The following C14orf93 variants were observed in gnomAD, a reference collection of about 807,000 sequenced individuals.
C14orf93 encodes uncharacterized protein C14orf93.
Under a neutral mutation model 44.0 loss-of-function variants are expected in C14orf93, and 23 were observed. The observed-to-expected ratio is 0.52, with a 90% CI of 0.38 to 0.74. C14orf93 has a LOEUF of 0.74. Ranked by LOEUF, C14orf93 falls within the 30% of genes least tolerant of loss-of-function variation. C14orf93 has a pLI of 0.00. For missense variants in C14orf93, 579 were observed against 678.9 expected, an observed-to-expected ratio of 0.85 and a Z score of 1.64; for synonymous variants, 253 against 265.7, an observed-to-expected ratio of 0.95 and a Z score of 0.46.
At position 22,987,300 on chromosome 14, in the gene C14orf93, C is replaced by T; in HGVS notation, c.1532G>A (p.Gly511Asp). The T allele has an allele frequency of 3.1e-6, 5 of 1,614,166 alleles. No individual in the cohort carries two copies. The highest frequency in any genetic ancestry group is 2.2e-5 in the South Asian group (2 of 91,084). The change falls in exon 7 of 7, where the codon GGC (glycine) becomes GAC (aspartate). Residue 511 changes from glycine to aspartate, a missense_variant. By Grantham distance (94) the Gly-to-Asp change is moderately conservative. Transcript: ENST00000299088. The surrounding 1 kb of genome is among the most constrained non-coding windows in gnomAD (Gnocchi z 5.6). ...EDEGGDENAP[G>D]SPSFDQPHKT... is the part of the protein sequence containing the mutation. ...GTGGGGTTGGTCAAAAGATGGGGAG[C>T]CAGGTGCATTCTCATCCCCTCCCTC...
intron 3 of C14orf93, among the ~76,000 whole-genome samples, chr14:22,990,547 G>A (rs552861351): frequency 1.4e-4 from 21 of 150,964 alleles, no homozygotes; most frequent in Non-Finnish European, 2.5e-4. Context: ...TCGGCTCACT[G>A]CAACCTCTGC....
In C14orf93 at chr14:22,998,605, G is replaced by A. The variant is rs2046131860; in HGVS notation, c.419C>T (p.Ala140Val). The change falls in exon 2 of 7, where the codon GCC becomes GTC. Residue 140 changes from alanine to valine, a missense_variant. Coordinates refer to ENST00000299088, the MANE Select transcript of C14orf93 (RefSeq NM_021944.4). Reference protein sequence around the residue: ...SPGEAFKALSAVEEECDSVGS... With the variant: ...SPGEAFKALSVVEEECDSVGS... ...CACGCTGTCACACTCCTCTTCCACG[G>A]CAGACAGAGCCTTAAAGGCTTCCCC... 6.2e-7 allele frequency: 1 copy of A among 1,614,006 alleles called. No individual in the cohort carries two copies. Among genetic ancestry groups the A allele is most frequent in the Non-Finnish European group, 8.5e-7 (1 of 1,180,016 alleles).
chr14:22,990,475 T>A (rs1332611655), intron 3 of C14orf93, among the ~76,000 whole-genome samples: 2 of 103,828 alleles, frequency 1.9e-5, no homozygotes, highest in African/African-American at 3.1e-5. Flanking sequence ...CTTTTCTTTC[T>A]TTTTTTTTTT....
Position 22,987,467 on chromosome 14 carries a change from G to A in C14orf93, c.1365C>T (p.Leu455=), listed in dbSNP as rs1322715605. 3 of 1,614,284 alleles carry A rather than the reference G, an allele frequency of 1.9e-6. No homozygotes were observed. Among genetic ancestry groups the A allele is most frequent in the South Asian group, 1.1e-5 (1 of 91,092 alleles). ...PRFRAQRLTE[L]CYHLDANSKH... is the part of the protein sequence containing the mutation. ...TAGAGTTAGCATCCAGGTGGTAGCA[G>A]AGCTCTGTGAGGCGCTGGGCCCGGA... Residue 455 remains leucine (L), a synonymous_variant, in exon 7 of 7, where the codon CTC becomes CTT. Transcript: ENST00000299088. This position sits in a 1 kb window ranked among gnomAD's most constrained non-coding sequence, Gnocchi z 5.6.
At chr14:23,007,481 G>A (rs1054347571) in intron 1 of C14orf93, among the ~76,000 whole-genome samples, 1 of 152,138 alleles carries the variant, frequency 6.6e-6, no homozygotes, top group Non-Finnish European at 1.5e-5. Context: ...TGCTGGCCTC[G>A]GTTACATTTC....
chr14:23,001,389 A>C (rs1463094193), intron 1 of C14orf93, among the ~76,000 whole-genome samples: 1 of 152,210 alleles, frequency 6.6e-6, no homozygotes, highest in Non-Finnish European at 1.5e-5. Context: ...TGCCTCACGC[A>C]CTTACTCTTT....
In C14orf93 at chr14:22,996,094, C is replaced by T. The variant is rs775194846; in HGVS notation, c.772G>A (p.Ala258Thr). 5.0e-6 allele frequency: 8 copies of T among 1,613,906 alleles called. No individual in the cohort carries two copies. The highest frequency in any genetic ancestry group is 1.3e-5 in the African/African-American group (1 of 74,862). Reference sequence around the variant, plus strand: ...TCCAAGGCACTGTCCAGCGCAGCAGCGGCATTGAGCATGTCCTCAGGGCGG... The same window carrying T: ...TCCAAGGCACTGTCCAGCGCAGCAGTGGCATTGAGCATGTCCTCAGGGCGG... ...PPRPEDMLNA[A>T]AALDSALEES... The change falls in exon 3 of 7, where the codon GCT becomes ACT. Residue 258 changes from alanine (A) to threonine (T), a missense_variant. By Grantham distance (58) the Ala-to-Thr change is moderately conservative. Coordinates refer to ENST00000299088, the MANE Select transcript of C14orf93 (RefSeq NM_021944.4). This position sits in a 1 kb window ranked among gnomAD's most constrained non-coding sequence, Gnocchi z 4.1.
At chr14:23,008,835 A>G (rs866381404) in intron 1 of C14orf93, among the ~76,000 whole-genome samples, 8 of 152,238 alleles carry the variant, frequency 5.3e-5, no homozygotes, top group Non-Finnish European at 8.8e-5. Flanking sequence ...TATCCCTTCT[A>G]TTATTTGCCT....
In C14orf93 at chr14:22,987,794, C is replaced by G. The variant is rs2045320400; in HGVS notation, c.1197+109G>C. The G allele has an allele frequency of 1.6e-6, 2 of 1,225,836 alleles. No individual in the cohort carries two copies. Among genetic ancestry groups the G allele is most frequent in the Non-Finnish European group, 2.3e-6 (2 of 866,620 alleles). The allele number at this position is 1,225,836 out of a possible 1,614,324, so 75.9% of individuals were successfully genotyped here. On this transcript the variant is annotated intron_variant, in intron 6 of 6. Coordinates refer to ENST00000299088, the MANE Select transcript of C14orf93 (RefSeq NM_021944.4). The surrounding 1 kb of genome is among the most constrained non-coding windows in gnomAD (Gnocchi z 5.6). ...TGGCTCACTGTTCTTCTCTATCTTC[C>G]TACATTCCTGGCTCTCAACCCTATT...
intron 3 of C14orf93, among the ~76,000 whole-genome samples, chr14:22,991,883 TGCTAGTAAAACTGATGACCCAGGCAAAA>T (rs1353158250): frequency 4.6e-5 from 7 of 152,216 alleles, no homozygotes; most frequent in Non-Finnish European, 8.8e-5. Flanking sequence ...TTCTGGAATC[TGCTAGTAAAACTGATGACCCAGGCAAAA>T]GCCCCGGGTT....
intron 3 of C14orf93, 115 bp downstream of exon 3, chr14:22,995,833 G>C (rs2045940152): frequency 1.0e-6 from 1 of 970,590 alleles, no homozygotes; most frequent in Admixed American, 3.1e-5. Flanking sequence ...CTCCCACTCT[G>C]GTAGGATTCA....
intron 1 of C14orf93, among the ~76,000 whole-genome samples, chr14:23,007,703 G>C (rs2046698769): frequency 6.6e-6 from 1 of 151,990 alleles, no homozygotes. Flanking sequence ...CCTGGATGTA[G>C]AAATCAAATA....
chr14:22,998,529 G>A lies in C14orf93; in HGVS notation c.495C>T (p.Ala165=). The A allele has an allele frequency of 6.2e-7, 1 of 1,613,890 alleles. No homozygotes were observed. The highest frequency in any genetic ancestry group is 8.5e-7 in the Non-Finnish European group (1 of 1,179,976). The change falls in exon 2 of 7, where the codon GCC becomes GCT. Residue 165 remains alanine, a synonymous_variant. Coordinates refer to ENST00000299088, the MANE Select transcript of C14orf93 (RefSeq NM_021944.4). ...VIEELRQLGA[A]SVGPGPLGFP... ...AGCCCAAAGGCCCAGGCCCCACTGA[G>A]GCTGCTCCCAGCTGCCGCAGCTCCT...
Position 22,987,690 on chromosome 14 carries a change from T to C in C14orf93, c.1198-56A>G. The C allele has an allele frequency of 6.6e-7, 1 of 1,510,614 alleles. No homozygotes were observed. Among genetic ancestry groups the C allele is most frequent in the Non-Finnish European group, 8.9e-7 (1 of 1,129,266 alleles). The allele number at this position is 1,510,614 out of a possible 1,614,324, so 93.6% of individuals were successfully genotyped here. A position where few individuals can be genotyped will look rare whatever the true frequency, so the allele number is the denominator to read the frequency against. ...AAGGTAAACATTCTATGGATTAGAT[T>C]TGGGGAAAAGGTTTGGTGGGGAAGG... On this transcript the variant is annotated intron_variant, in intron 6 of 6. Coordinates refer to ENST00000299088, the MANE Select transcript of C14orf93 (RefSeq NM_021944.4). This position sits in a 1 kb window ranked among gnomAD's most constrained non-coding sequence, Gnocchi z 5.6.
chr14:22,987,911 G>A lies in C14orf93; in HGVS notation c.1189C>T (p.Arg397Ter), dbSNP rs766708876. The stretch of plus-strand genomic sequence containing the variant: ...AAGGCCTAGAAACCTACCCGATATC[G>A]GCGACTTCGAAGTTTCTTCTCCTCT... ...EKEEKKLRSR[R>*]YRLFANRSSI... Residue 397 changes from arginine (R) to a stop codon, truncating the protein, a stop_gained, in exon 6 of 7, where the codon CGA becomes TGA. Transcript: ENST00000299088. LOFTEE classifies it high-confidence loss of function. The surrounding 1 kb of genome is among the most constrained non-coding windows in gnomAD (Gnocchi z 5.6). 3 of 1,612,424 alleles carry A rather than the reference G, an allele frequency of 1.9e-6. No individual in the cohort carries two copies. The highest frequency in any genetic ancestry group is 2.2e-5 in the South Asian group (2 of 91,024).
intron 1 of C14orf93, among the ~76,000 whole-genome samples, chr14:23,007,350 T>C (rs2046678304): frequency 6.6e-6 from 1 of 152,240 alleles, no homozygotes; most frequent in Non-Finnish European, 1.5e-5. Flanking sequence ...ACGCCATCTT[T>C]AGCTTGTTTT....
At chr14:23,000,714 C>CAAA (rs758471653) in intron 1 of C14orf93, among the ~76,000 whole-genome samples, 27 of 55,002 alleles carry the variant, frequency 4.9e-4, no homozygotes, top group Admixed American at 8.4e-4. Flanking sequence ...GACTCCACCT[C>CAAA]AAAAAAAAAA....
At chr14:23,003,892 A>G (rs796425702) in intron 1 of C14orf93, among the ~76,000 whole-genome samples, 1 of 14,452 alleles carries the variant, frequency 6.9e-5, no homozygotes, top group Non-Finnish European at 1.0e-4. Flanking sequence ...ATATATATAT[A>G]TATATATTTT....
At chr14:22,989,135 C>T (rs1220251081) in intron 5 of C14orf93, among the ~76,000 whole-genome samples, 1 of 152,110 alleles carries the variant, frequency 6.6e-6, no homozygotes, top group Non-Finnish European at 1.5e-5. Flanking sequence ...ATGCATGCCA[C>T]CCCACCCAGT....
Sources: gnomAD v4.1 joint callset for allele counts (sites outside exome capture counted in the v4.1 genomes callset) on GRCh38, gnomAD v4.1.1 for gene constraint, Gnocchi (gnomAD v3.1) non-coding constraint, MANE v1.5 for transcripts, NCBI Gene and HGNC (gene_info 2026-07-23, HGNC 2026-07-21) for gene names.